Variants in BTBD7 observed in about 807,000 individuals in gnomAD.
BTBD7 encodes BTB domain containing 7.
Under a neutral mutation model 99.9 loss-of-function variants are expected in BTBD7, and 38 were observed. The ratio of observed to expected loss-of-function variants is 0.38; its 90% CI spans 0.29 to 0.50. The LOEUF is 0.50. Ranked by LOEUF, BTBD7 falls within the 20% of genes least tolerant of loss-of-function variation. The probability of loss-of-function intolerance (pLI) is 0.93; values close to 1 mark genes in which losing one functional copy is unlikely to be tolerated. For missense variants in BTBD7, 1,170 were observed against 1,394.6 expected (o/e 0.84, Z 2.57); for synonymous variants, 520 against 511.4 (o/e 1.02, Z -0.23).
chr14:93,323,048 A>G (rs533546340), intron 1 of BTBD7, among the ~76,000 whole-genome samples: 1 of 152,180 alleles, frequency 6.6e-6, no homozygotes, highest in East Asian at 1.9e-4. Flanking sequence ...TCTTGAGCCT[A>G]TGAGTTTGAG....
chr14:93,295,385 C>T lies in BTBD7; in HGVS notation c.83-448G>A, dbSNP rs1183255808. ...CCTCATGCAATCTTCCTGCCTTGGC[C>T]TCCTAAAGTGCTGGGATTACAGGTG... On this transcript the variant is annotated intron_variant, in intron 2 of 10. Coordinates refer to ENST00000334746, the MANE Select transcript of BTBD7 (RefSeq NM_001002860.4). 3.3e-5 allele frequency among the ~76,000 whole-genome samples: 5 copies of T among 152,284 alleles called. No homozygotes were observed. The East Asian group carries it at 9.7e-4, about 29-fold the overall frequency.
Position 93,246,058 on chromosome 14 carries a change from G to T in BTBD7, c.2350C>A (p.Pro784Thr). 1 of 1,606,228 alleles carries T rather than the reference G, an allele frequency of 6.2e-7. No homozygotes were observed. ...GAACGTGAAGGGTGCTGACTGGGAG[G>T]TCTTTGCTTCCAGCCTGCTTTGAGT... Reference protein sequence around the residue: ...NQLKAGWKQRPPSQHPSRSFS... With the variant: ...NQLKAGWKQRTPSQHPSRSFS... The change falls in exon 10 of 11, where the codon CCT becomes ACT. Residue 784 changes from proline to threonine, a missense_variant. Pro to Thr is a conservative substitution (Grantham distance 38). Transcript: ENST00000334746.
At chr14:93,285,973 C>G (rs1024181950) in intron 3 of BTBD7, among the ~76,000 whole-genome samples, 2 of 152,148 alleles carry the variant, frequency 1.3e-5, no homozygotes, top group Non-Finnish European at 2.9e-5. Flanking sequence ...AGGAAGGCTG[C>G]AGGATGGGGA....
chr14:93,307,546 G>T (rs1008301588), intron 1 of BTBD7, among the ~76,000 whole-genome samples: 1 of 152,176 alleles, frequency 6.6e-6, no homozygotes, highest in Admixed American at 6.5e-5. Context: ...TCTGATCCCT[G>T]AGTTGTCTAC....
At chr14:93,283,155 G>A (rs2052740248) in intron 3 of BTBD7, among the ~76,000 whole-genome samples, 1 of 152,170 alleles carries the variant, frequency 6.6e-6, no homozygotes, top group Admixed American at 6.5e-5. Flanking sequence ...TCAGCTCACT[G>A]AAACCTCTGC....
chr14:93,296,588 A>T (rs150430224), intron 1 of BTBD7, among the ~76,000 whole-genome samples: 6 of 152,340 alleles, frequency 3.9e-5, no homozygotes, highest in African/African-American at 1.4e-4. Context: ...ATAACACATA[A>T]TTGATTAGTT....
In BTBD7 at chr14:93,306,940, TA is replaced by T. The variant is rs568971122; in HGVS notation, c.-106-10784del. Among the ~76,000 whole-genome samples, 370 of 152,332 alleles carry T rather than the reference TA, an allele frequency of 2.4e-3. 1 individual carries two copies. The highest frequency in any genetic ancestry group is 8.5e-3 in the African/African-American group (355 of 41,574). On this transcript the variant is annotated intron_variant, in intron 1 of 10. Coordinates refer to ENST00000334746, the MANE Select transcript of BTBD7 (RefSeq NM_001002860.4). ...CATTCTGTCTTCCCTGAACAGATGA[TA>T]AAATATATCCTTTGGGTTCACTGTA...
intron 1 of BTBD7, among the ~76,000 whole-genome samples, chr14:93,320,423 GA>G (rs1257979471): frequency 1.3e-5 from 2 of 152,198 alleles, no homozygotes; most frequent in Non-Finnish European, 2.9e-5. Context: ...CCACAACAAA[GA>G]ATTACCTGGC....
At chr14:93,329,094 G>C (rs2053368169) in intron 1 of BTBD7, among the ~76,000 whole-genome samples, 1 of 152,098 alleles carries the variant, frequency 6.6e-6, no homozygotes, top group Non-Finnish European at 1.5e-5. Context: ...TGAAAAGGCA[G>C]CCTACAGAAT....
rs1367921927 is a variant in BTBD7, at chr14:93,245,718, A to G, written c.2583+107T>C. On this transcript the variant is annotated intron_variant, in intron 10 of 10. Coordinates refer to ENST00000334746, the MANE Select transcript of BTBD7 (RefSeq NM_001002860.4). ...AGTCTATGCCTTCCACTTGTCAGCA[A>G]TACTTCTGGGCACTGCTGAGTCCCA... 5.3e-6 allele frequency: 8 copies of G among 1,501,116 alleles called. No homozygotes were observed. The East Asian group carries it at 1.8e-4, about 34-fold the overall frequency. 93.0% of individuals were successfully genotyped at this position (1,501,116 alleles called of 1,614,324 possible).
At position 93,261,684 on chromosome 14, in the gene BTBD7, TA is replaced by T; in HGVS notation, c.1372-8del. ...GGATATCTTGTTCACTTGCCTATAA[TA>T]AAAAATGGTTTATATTTATTTTAGT... On this transcript the variant is annotated splice_polypyrimidine_tract_variant and splice_region_variant and intron_variant, in intron 4 of 10. Coordinates refer to ENST00000334746, the MANE Select transcript of BTBD7 (RefSeq NM_001002860.4). 6.3e-7 allele frequency: 1 copy of T among 1,586,754 alleles called. No individual in the cohort carries two copies.
In BTBD7 at chr14:93,309,575, C is replaced by T. The variant is rs986900536; in HGVS notation, c.-106-13418G>A. Among the ~76,000 whole-genome samples, 7 of 151,922 alleles carry T rather than the reference C, an allele frequency of 4.6e-5. No homozygotes were observed. The East Asian group carries it at 7.7e-4, about 17-fold the overall frequency. On this transcript the variant is annotated intron_variant, in intron 1 of 10. Transcript: ENST00000334746. ...CCAACCTTTCTGAAGGAAGCTGCCA[C>T]GTCTACCTCATGCTTCTGTGTCCAC... is the stretch of plus-strand genomic sequence containing the variant.
intron 3 of BTBD7, among the ~76,000 whole-genome samples, chr14:93,289,660 C>A (rs576563986): frequency 6.6e-6 from 1 of 152,240 alleles, no homozygotes; most frequent in Admixed American, 6.5e-5. Context: ...GATAATAGGG[C>A]TTTGAAGGAA....
intron 1 of BTBD7, among the ~76,000 whole-genome samples, chr14:93,313,912 A>T (rs1039021280): frequency 1.7e-4 from 25 of 143,978 alleles, no homozygotes; most frequent in East Asian, 4.0e-4. Context: ...GAACAACAAA[A>T]TTTTTTTTTT....
intron 1 of BTBD7, among the ~76,000 whole-genome samples, chr14:93,324,303 G>A (rs2053302632): frequency 6.6e-6 from 1 of 151,908 alleles, no homozygotes; most frequent in Admixed American, 6.6e-5. Flanking sequence ...GCCAGGTGTG[G>A]TGGCTACTTC....
intron 3 of BTBD7, among the ~76,000 whole-genome samples, chr14:93,282,015 C>T (rs1036300871): frequency 1.3e-5 from 2 of 152,090 alleles, no homozygotes; most frequent in Admixed American, 1.3e-4. Context: ...GTGCTCAATA[C>T]ATTCTTGTTT....
At chr14:93,321,550 G>A (rs1184596086) in intron 1 of BTBD7, among the ~76,000 whole-genome samples, 5 of 152,270 alleles carry the variant, frequency 3.3e-5, no homozygotes, top group Admixed American at 2.6e-4. Context: ...CTGAGATCGC[G>A]CCATGGCACT....
chr14:93,242,435 G>A lies in BTBD7; in HGVS notation c.3237C>T (p.Ser1079=). ...TPNRPSLSAC[S]SEAPEERSGR... ...CGGATCTCTCTTCGGGAGCTTCAGAGCTACATGCAGAAAGTGAAGGTCTGT... is the reference window on the plus strand; with the variant it reads ...CGGATCTCTCTTCGGGAGCTTCAGAACTACATGCAGAAAGTGAAGGTCTGT... Residue 1079 remains serine, a synonymous_variant, in exon 11 of 11, where the codon AGC becomes AGT. Transcript: ENST00000334746. The A allele has an allele frequency of 6.2e-7, 1 of 1,614,220 alleles. No homozygotes were observed. The highest frequency in any genetic ancestry group is 8.5e-7 in the Non-Finnish European group (1 of 1,180,048).
rs139555603 is a variant in BTBD7, at chr14:93,304,091, A to G, written c.-106-7934T>C. Among the ~76,000 whole-genome samples, 49 of 152,344 alleles carry G rather than the reference A, an allele frequency of 3.2e-4. 1 individual carries two copies. Among genetic ancestry groups the G allele is most frequent in the Non-Finnish European group, 6.2e-4 (42 of 68,034 alleles). On this transcript the variant is annotated intron_variant, in intron 1 of 10. Transcript: ENST00000334746. ...GCCTATAAGCAGAGGGTGAAAAATT[A>G]TTATGAGGCCCTGCAAGACAGACTG...
Sources: allele counts gnomAD v4.1 joint callset (sites outside exome capture counted in the v4.1 genomes callset), GRCh38; gene constraint gnomAD v4.1.1; transcripts MANE v1.5; gene names NCBI Gene and HGNC (gene_info 2026-07-23, HGNC 2026-07-21).